Variants in PXMP4 observed in about 807,000 individuals in gnomAD.
PXMP4 encodes the protein 24 kDa peroxisomal intrinsic membrane protein.
In PXMP4, 16 loss-of-function variants were observed where a neutral mutation model predicts 21.6. The ratio of observed to expected loss-of-function variants is 0.74; its 90% confidence interval spans 0.50 to 1.13. The LOEUF is 1.13. Among genes scored for constraint, PXMP4 ranks in the 50% most tolerant of loss-of-function variants. The pLI, the probability that PXMP4 is intolerant of heterozygous loss-of-function variation, is 0.00. For missense variants in PXMP4, 240 were observed against 277.7 expected (o/e 0.86, Z 0.96); for synonymous variants, 127 against 123.8 (o/e 1.03, Z -0.17).
At chr20:33,720,040 CT>C in intron 1 of PXMP4, 54 bp downstream of exon 1, 1 of 1,559,922 alleles carries the variant, frequency 6.4e-7, no homozygotes, top group Non-Finnish European at 8.8e-7. Context: ...ACTCGCGCCT[CT>C]GACCCCAGGC....
At position 33,704,156 on chromosome 20, in the gene PXMP4, T is replaced by C. The variant is rs1301971758; in HGVS notation, c.*3550A>G. 6.5e-6 allele frequency: 1 copy of C among 152,898 alleles called. No individual in the cohort carries two copies. Among genetic ancestry groups the C allele is most frequent in the African/African-American group, 2.4e-5 (1 of 41,446 alleles). The allele number at this position is 152,898 out of a possible 1,614,324, so 9.5% of individuals were successfully genotyped here. A position where few individuals can be genotyped will look rare whatever the true frequency, so the allele number is the denominator to read the frequency against. On this transcript the variant is annotated 3_prime_UTR_variant, in exon 4 of 4. Coordinates refer to ENST00000409299, the MANE Select transcript of PXMP4 (RefSeq NM_007238.5). ...TATTTCTATTATTATTACCTTGTAA[T>C]ATATAATGAAATAATTGTACAACAC...
At chr20:33,708,999 C>G (rs2018293685) in intron 3 of PXMP4, among the ~76,000 whole-genome samples, 1 of 152,164 alleles carries the variant, frequency 6.6e-6, no homozygotes, top group Admixed American at 6.6e-5. Context: ...TTCCAAAGAA[C>G]ATTAAAAAAC....
intron 1 of PXMP4, among the ~76,000 whole-genome samples, chr20:33,719,791 G>A (rs1444684150): frequency 1.3e-5 from 2 of 152,188 alleles, no homozygotes; most frequent in Non-Finnish European, 2.9e-5. Flanking sequence ...CACACAGAGA[G>A]GTGAGGTGAA....
intron 2 of PXMP4, among the ~76,000 whole-genome samples, chr20:33,711,185 T>C (rs1438276291): frequency 2.0e-5 from 3 of 152,160 alleles, no homozygotes; most frequent in Non-Finnish European, 2.9e-5. Context: ...GTGTCTGCCA[T>C]GTGCTGGATG....
chr20:33,707,608 T>C lies in PXMP4; in HGVS notation c.*98A>G, dbSNP rs1441422471. On this transcript the variant is annotated 3_prime_UTR_variant, in exon 4 of 4. Transcript: ENST00000409299. ...AAACGGAACCCTGGGATAACACCAG[T>C]TGGAGTCTGAGGCCTATGATCTTGA... 1.6e-5 allele frequency: 23 copies of C among 1,468,430 alleles called. No individual in the cohort carries two copies. Among genetic ancestry groups the C allele is most frequent in the South Asian group, 3.9e-5 (3 of 76,094 alleles). The allele number at this position is 1,468,430 out of a possible 1,614,324, so 91.0% of individuals were successfully genotyped here.
At chr20:33,711,005 C>T (rs1312427313) in intron 2 of PXMP4, among the ~76,000 whole-genome samples, 1 of 152,214 alleles carries the variant, frequency 6.6e-6, no homozygotes, top group Non-Finnish European at 1.5e-5. Flanking sequence ...TTTTCTTTTC[C>T]TTCCTAGCTA....
chr20:33,708,013 T>C lies in PXMP4; in HGVS notation c.376-44A>G, dbSNP rs752758706. 2.6e-6 allele frequency: 4 copies of C among 1,568,282 alleles called. No homozygotes were observed. In the South Asian group the frequency reaches 3.5e-5, roughly 14 times the overall value. On this transcript the variant is annotated intron_variant, in intron 3 of 3. Transcript: ENST00000409299. Reference sequence around the variant, plus strand: ...GGGAATTACTGGTGATCAATAGTGATGTCCCTCTTTTGTTTTTGATATTAA... The same window carrying C: ...GGGAATTACTGGTGATCAATAGTGACGTCCCTCTTTTGTTTTTGATATTAA...
At position 33,704,558 on chromosome 20, in the gene PXMP4, TA is replaced by T. The variant is rs1341900765; in HGVS notation, c.*3147del. 1 of 152,232 alleles carries T rather than the reference TA, an allele frequency of 6.6e-6. No individual in the cohort carries two copies. The highest frequency in any genetic ancestry group is 1.9e-4 in the East Asian group (1 of 5,202). 9.4% of individuals were successfully genotyped at this position (152,232 alleles called of 1,614,324 possible). A position where few individuals can be genotyped will look rare whatever the true frequency, so the allele number is the denominator to read the frequency against. On this transcript the variant is annotated 3_prime_UTR_variant, in exon 4 of 4. Coordinates refer to ENST00000409299, the MANE Select transcript of PXMP4 (RefSeq NM_007238.5). ...AGCTCATTCAACCTCCACAGCAAGT[TA>T]AAGGAACTTCATAATTACCTACTCC...
At position 33,705,873 on chromosome 20, in the gene PXMP4, G is replaced by A. The variant is rs1790067752; in HGVS notation, c.*1833C>T. ...TCTTGATTCGGCTGTTATACTAGCT[G>A]TATTACCTTGGGCAAGTTACTCTCC... On this transcript the variant is annotated 3_prime_UTR_variant, in exon 4 of 4. Transcript: ENST00000409299. 6.6e-6 allele frequency: 1 copy of A among 152,054 alleles called. No homozygotes were observed. The highest frequency in any genetic ancestry group is 2.4e-5 in the African/African-American group (1 of 41,412). The allele number at this position is 152,054 out of a possible 1,614,324, so 9.4% of individuals were successfully genotyped here.
intron 1 of PXMP4, among the ~76,000 whole-genome samples, chr20:33,719,829 C>G (rs1413505741): frequency 1.3e-5 from 2 of 152,214 alleles, no homozygotes; most frequent in Non-Finnish European, 2.9e-5. Flanking sequence ...GATACAGAAG[C>G]TGGCATGGGA....
chr20:33,712,152 C>A (rs2018333956), intron 2 of PXMP4, among the ~76,000 whole-genome samples: 1 of 152,058 alleles, frequency 6.6e-6, no homozygotes, highest in Non-Finnish European at 1.5e-5. Flanking sequence ...TGGGGACAGC[C>A]GGGAGCAGAT....
intron 1 of PXMP4, among the ~76,000 whole-genome samples, chr20:33,718,510 CAAAAAAAAA>C (rs34706596): frequency 7.3e-5 from 4 of 54,798 alleles, no homozygotes; most frequent in South Asian, 9.4e-4. Flanking sequence ...CACTCCATCT[CAAAAAAAAA>C]AAAAAAAAAA....
intron 2 of PXMP4, 123 bp downstream of exon 2, chr20:33,714,550 CA>C (rs1287802316): frequency 6.9e-6 from 7 of 1,009,386 alleles, no homozygotes; most frequent in African/African-American, 4.9e-5. Context: ...CAAAACACAA[CA>C]AAAAAAGAGT....
chr20:33,708,020 CTTTT>C (rs1375391461), intron 3 of PXMP4, 51 bp from the exon 4 acceptor site: 3 of 1,550,530 alleles, frequency 1.9e-6, no homozygotes, highest in Non-Finnish European at 2.6e-6. Context: ...TGATGTCCCT[CTTTT>C]GTTTTTGATA....
intron 2 of PXMP4, 115 bp downstream of exon 2, chr20:33,714,559 A>G (rs1333231341): frequency 3.8e-6 from 4 of 1,039,452 alleles, no homozygotes; most frequent in Non-Finnish European, 5.9e-6. Flanking sequence ...ACAAAAAAAG[A>G]GTTGAACTTT....
Position 33,707,443 on chromosome 20 carries a change from G to A in PXMP4, c.*263C>T. 1 of 478,106 alleles carries A rather than the reference G, an allele frequency of 2.1e-6. No homozygotes were observed. Among genetic ancestry groups the A allele is most frequent in the Non-Finnish European group, 3.8e-6 (1 of 265,528 alleles). 29.6% of individuals were successfully genotyped at this position (478,106 alleles called of 1,614,324 possible). On this transcript the variant is annotated 3_prime_UTR_variant, in exon 4 of 4. Transcript: ENST00000409299. The stretch of plus-strand genomic sequence containing the variant: ...CTCCTTGACCCCTGAGGCCTAGAGA[G>A]TAGTGTGGCTGGCCCCAGTCTCACA...
intron 3 of PXMP4, among the ~76,000 whole-genome samples, chr20:33,708,587 T>C (rs2018289235): frequency 6.6e-6 from 1 of 151,472 alleles, no homozygotes; most frequent in Non-Finnish European, 1.5e-5. Flanking sequence ...TCTGTTGCCC[T>C]GGCTGTCTCA....
In PXMP4 at chr20:33,720,076, G is replaced by T. The variant is rs754340200; in HGVS notation, c.113+19C>A. The T allele has an allele frequency of 1.6e-5, 25 of 1,610,062 alleles. No individual in the cohort carries two copies. Among genetic ancestry groups the T allele is most frequent in the East Asian group, 2.2e-5 (1 of 44,790 alleles). On this transcript the variant is annotated intron_variant, in intron 1 of 3. Transcript: ENST00000409299. ...CAGGACATCCCTCAGCCCCAGCCCG[G>T]CCCGACGGCCCCACTCACACAGCCC...
rs990883205 is a variant in PXMP4 at position 33,720,276 on chromosome 20, G to C, written c.-69C>G. The C allele has an allele frequency of 7.2e-7, 1 of 1,387,500 alleles. No homozygotes were observed. The allele number at this position is 1,387,500 out of a possible 1,614,324, so 85.9% of individuals were successfully genotyped here. On this transcript the variant is annotated 5_prime_UTR_variant, in exon 1 of 4. Coordinates refer to ENST00000409299, the MANE Select transcript of PXMP4 (RefSeq NM_007238.5). Reference sequence around the variant, plus strand: ...ACTGACAGCCGGAGGTTCCAGCTGCGCGCCCACAGCCCCTCGGTAGCGCCG... The same window carrying C: ...ACTGACAGCCGGAGGTTCCAGCTGCCCGCCCACAGCCCCTCGGTAGCGCCG...
Sources: allele counts gnomAD v4.1 joint callset (sites outside exome capture counted in the v4.1 genomes callset), GRCh38; gene constraint gnomAD v4.1.1; transcripts MANE v1.5; gene names NCBI Gene and HGNC (gene_info 2026-07-23, HGNC 2026-07-21).